Variants in TNIP3 observed in about 807,000 individuals in gnomAD.
The protein encoded by TNIP3 is TNFAIP3-interacting protein 3.
In TNIP3, 34 loss-of-function variants were observed where a neutral mutation model predicts 54.1. The observed-to-expected ratio is 0.63, with a 90% CI of 0.48 to 0.84. TNIP3 has a LOEUF of 0.84. Among genes scored for constraint, TNIP3 ranks in the 40% least tolerant of loss-of-function variants. The probability of loss-of-function intolerance (pLI) is 0.00; values close to 1 mark genes in which losing one functional copy is unlikely to be tolerated. For missense variants in TNIP3, 366 were observed against 387.6 expected (o/e 0.94, Z 0.47); for synonymous variants, 134 against 136.8 (o/e 0.98, Z 0.14).
upstream of TNIP3, among the ~76,000 whole-genome samples, chr4:121,218,831 G>C (rs972372591): frequency 6.6e-6 from 1 of 151,848 alleles, no homozygotes; most frequent in Non-Finnish European, 1.5e-5. Context: ...TGAGTAGCTG[G>C]GACTACAGGT....
chr4:121,168,596 T>C (rs1000031884), upstream of TNIP3, among the ~76,000 whole-genome samples: 7 of 151,088 alleles, frequency 4.6e-5, no homozygotes, highest in African/African-American at 1.2e-4. Flanking sequence ...TCATAGCTCA[T>C]TGTAACCTCC....
intron 2 of TNIP3, among the ~76,000 whole-genome samples, chr4:121,199,388 T>C (rs375515205): frequency 1.1e-3 from 163 of 152,240 alleles, no homozygotes; most frequent in African/African-American, 3.8e-3. Flanking sequence ...GGACATGAGG[T>C]CTATAAGAAA....
chr4:121,224,321 CTA>C (rs1727168157), intron 1 of TNIP3, among the ~76,000 whole-genome samples: 1 of 151,410 alleles, frequency 6.6e-6, no homozygotes, highest in Non-Finnish European at 1.5e-5. Context: ...AGAGATTGTG[CTA>C]CTGCACTTTA....
chr4:121,157,858 C>G (rs547574083), intron 3 of TNIP3, among the ~76,000 whole-genome samples: 1 of 152,320 alleles, frequency 6.6e-6, no homozygotes, highest in Admixed American at 6.5e-5. Context: ...CTTAAGCATT[C>G]TCTCTGGGAT....
chr4:121,169,006 C>T (rs977481065), upstream of TNIP3, among the ~76,000 whole-genome samples: 4 of 152,086 alleles, frequency 2.6e-5, no homozygotes, highest in Admixed American at 1.3e-4. Context: ...CTGCAATAAC[C>T]TAAGGGTTTT....
At chr4:121,197,363 G>A (rs750401987) in intron 2 of TNIP3, among the ~76,000 whole-genome samples, 4 of 151,558 alleles carry the variant, frequency 2.6e-5, no homozygotes, top group Non-Finnish European at 4.4e-5. Flanking sequence ...CACCTTCTCT[G>A]CTAAAAATAC....
At chr4:121,182,039 G>C (rs1442948652) in intron 3 of TNIP3, among the ~76,000 whole-genome samples, 2 of 151,738 alleles carry the variant, frequency 1.3e-5, no homozygotes, top group Non-Finnish European at 2.9e-5. Context: ...TCTCACATTA[G>C]ATTTTTTTTT....
intron 2 of TNIP3, among the ~76,000 whole-genome samples, chr4:121,197,978 T>C (rs1299290064): frequency 1.3e-5 from 2 of 152,172 alleles, no homozygotes; most frequent in South Asian, 2.1e-4. Flanking sequence ...TTCACTGATA[T>C]TACAGGCAAA....
At chr4:121,192,208 G>T (rs1398961797) in intron 2 of TNIP3, among the ~76,000 whole-genome samples, 1 of 152,124 alleles carries the variant, frequency 6.6e-6, no homozygotes, top group Non-Finnish European at 1.5e-5. Context: ...CGCTGAAGCA[G>T]TTTGCCAATC....
intron 2 of TNIP3, among the ~76,000 whole-genome samples, chr4:121,204,656 C>A: frequency 6.6e-6 from 1 of 152,138 alleles, no homozygotes; most frequent in Non-Finnish European, 1.5e-5. Context: ...AATCAATGCA[C>A]AATAGAAATA....
intron 4 of TNIP3, 74 bp from the exon 5 acceptor site, chr4:121,154,753 A>T (rs1165484458): frequency 1.4e-5 from 20 of 1,413,064 alleles, no homozygotes; most frequent in Non-Finnish European, 1.7e-5. Flanking sequence ...GAATTCTGAT[A>T]TATCAGCCAT....
intron 2 of TNIP3, among the ~76,000 whole-genome samples, chr4:121,187,295 G>T (rs534817797): frequency 6.6e-6 from 1 of 152,294 alleles, no homozygotes; most frequent in South Asian, 2.1e-4. Context: ...CCCACCTTGG[G>T]ATCTGTTCCA....
chr4:121,191,023 A>G (rs1362152419), intron 2 of TNIP3, among the ~76,000 whole-genome samples: 1 of 152,212 alleles, frequency 6.6e-6, no homozygotes, highest in Non-Finnish European at 1.5e-5. Context: ...GGGACACAGG[A>G]AGAACATAGC....
intron 8 of TNIP3, 118 bp downstream of exon 8, chr4:121,142,608 T>C (rs1182130599): frequency 1.1e-6 from 1 of 895,874 alleles, no homozygotes; most frequent in East Asian, 2.4e-5. Flanking sequence ...TAGTCAGTAA[T>C]GAAAAGCATG....
chr4:121,202,078 CA>C (rs1178462917), intron 2 of TNIP3, among the ~76,000 whole-genome samples: 16 of 151,748 alleles, frequency 1.1e-4, no homozygotes, highest in African/African-American at 3.6e-4. Flanking sequence ...CATATGGAAC[CA>C]AAAAAAGAGC....
intron 3 of TNIP3, among the ~76,000 whole-genome samples, chr4:121,158,478 T>C (rs978150047): frequency 2.6e-5 from 4 of 152,200 alleles, no homozygotes. Flanking sequence ...GCACCTTTCT[T>C]TAGCTATTGC....
At chr4:121,176,271 C>A (rs148079161) in intron 3 of TNIP3, among the ~76,000 whole-genome samples, 1 of 152,326 alleles carries the variant, frequency 6.6e-6, no homozygotes, top group East Asian at 1.9e-4. Context: ...CTGACAGGCT[C>A]CTCACTGCCT....
chr4:121,172,256 T>A (rs538247054), intron 3 of TNIP3, among the ~76,000 whole-genome samples: 1 of 152,216 alleles, frequency 6.6e-6, no homozygotes, highest in East Asian at 1.9e-4. Context: ...CTTAGAGTGG[T>A]GTGGAAGCAG....
Position 121,169,567 on chromosome 4 carries a change from G to A in TNIP3, c.190-5421C>T, listed in dbSNP as rs188923490. Among the ~76,000 whole-genome samples, 123 of 152,254 alleles carry A rather than the reference G, an allele frequency of 8.1e-4. 1 individual carries two copies. The highest frequency in any genetic ancestry group is 1.3e-4 in the Non-Finnish European group (9 of 68,022). On this transcript the variant is annotated intron_variant, in intron 3 of 12. Transcript: ENST00000507879. ...CTCTGTGTTTCTCGAGCCCAAAGTA[G>A]TGCCATTTTAGTGCCTGTGCGTGTT...
Sources: allele counts gnomAD v4.1 joint callset (sites outside exome capture counted in the v4.1 genomes callset), GRCh38; gene constraint gnomAD v4.1.1; transcripts MANE v1.5; gene names NCBI Gene and HGNC (gene_info 2026-07-23, HGNC 2026-07-21).